The following CD46 variants were observed in gnomAD, a reference collection of about 807,000 sequenced individuals.
The protein encoded by CD46 is CD46 molecule, also known as membrane cofactor protein.
A neutral mutation model predicts 53.3 loss-of-function variants in CD46; 30 were observed. The observed-to-expected ratio is 0.56, with a 90% CI of 0.42 to 0.76. The LOEUF is 0.76. CD46 is among the 30% of genes least tolerant of loss of function. The pLI, the probability that CD46 is intolerant of heterozygous loss-of-function variation, is 0.00. For missense variants in CD46, 409 were observed against 463.0 expected, an observed-to-expected ratio of 0.88 and a Z score of 1.07; for synonymous variants, 142 against 152.0, an observed-to-expected ratio of 0.93 and a Z score of 0.48.
intron 11 of CD46, among the ~76,000 whole-genome samples, chr1:207,787,334 G>A (rs998838504): frequency 1.3e-5 from 2 of 152,040 alleles, no homozygotes; most frequent in Non-Finnish European, 2.9e-5. Flanking sequence ...GGCCTCCCAA[G>A]GTGCTAGGAT....
chr1:207,768,614 C>T (rs1657116847), intron 7 of CD46: 1 of 152,158 alleles, frequency 6.6e-6, no homozygotes, highest in South Asian at 2.1e-4. Flanking sequence ...TCCTTATTTA[C>T]TGAAATAAAA....
intron 3 of CD46, among the ~76,000 whole-genome samples, chr1:207,758,514 C>T (rs1250252722): frequency 6.6e-6 from 1 of 151,966 alleles, no homozygotes; most frequent in Non-Finnish European, 1.5e-5. Context: ...GAACTCATTC[C>T]CTGAAGAATT....
At chr1:207,777,365 T>C (rs1364774234) in intron 8 of CD46, among the ~76,000 whole-genome samples, 2 of 152,122 alleles carry the variant, frequency 1.3e-5, no homozygotes, top group Non-Finnish European at 2.9e-5. Context: ...GATTTGGGGG[T>C]ACAGGTGAAG....
At chr1:207,761,858 ATTT>A (rs60550654) in intron 5 of CD46, among the ~76,000 whole-genome samples, 35 of 151,136 alleles carry the variant, frequency 2.3e-4, no homozygotes, top group Non-Finnish European at 4.7e-4. Context: ...GATAAAAAAA[ATTT>A]TTTTTTTAAA....
chr1:207,788,800 T>G (rs147106188), intron 11 of CD46, among the ~76,000 whole-genome samples: 1 of 152,340 alleles, frequency 6.6e-6, no homozygotes, highest in Non-Finnish European at 1.5e-5. Flanking sequence ...GCAGCCTTCA[T>G]CTCAAAATAC....
At chr1:207,792,665 T>C (rs1659910604) in intron 12 of CD46, among the ~76,000 whole-genome samples, 1 of 152,194 alleles carries the variant, frequency 6.6e-6, no homozygotes, top group African/African-American at 2.4e-5. Context: ...TAGTAAATAA[T>C]GACTGGTCCG....
chr1:207,761,069 C>T (rs375785197), intron 4 of CD46, 180 bp from the exon 5 acceptor site: 7 of 593,032 alleles, frequency 1.2e-5, no homozygotes, highest in Middle Eastern at 4.4e-4. Context: ...TTAGTTACTA[C>T]ATTAATGGTT....
chr1:207,793,574 G>C lies in CD46; in HGVS notation c.*97G>C. On this transcript the variant is annotated 3_prime_UTR_variant, in exon 13 of 13. Coordinates refer to ENST00000367042, the MANE Select transcript of CD46 (RefSeq NM_172351.3). ...TTACCAGACTAAATCAACCACTCCA[G>C]CAGAGCAGAGAGGCTGAATAGATTC... is the stretch of plus-strand genomic sequence containing the variant. 6.2e-7 allele frequency: 1 copy of C among 1,613,898 alleles called. No homozygotes were observed. The highest frequency in any genetic ancestry group is 8.5e-7 in the Non-Finnish European group (1 of 1,179,802).
At position 207,752,416 on chromosome 1, in the gene CD46, C is replaced by T; in HGVS notation, c.97+107C>T. ...ACAGCAGGCCGTGCCTGTTTGGGGACAGGGTTCTCTGAGGGGTGCAGTGCT... is the reference window on the plus strand; with the variant it reads ...ACAGCAGGCCGTGCCTGTTTGGGGATAGGGTTCTCTGAGGGGTGCAGTGCT... On this transcript the variant is annotated intron_variant, in intron 1 of 12. Transcript: ENST00000367042. This position sits in a 1 kb window ranked among gnomAD's most constrained non-coding sequence, Gnocchi z 4.1. The T allele has an allele frequency of 1.8e-6, 2 of 1,081,776 alleles. No individual in the cohort carries two copies. The highest frequency in any genetic ancestry group is 1.4e-6 in the Non-Finnish European group (1 of 703,662). The allele number at this position is 1,081,776 out of a possible 1,614,324, so 67.0% of individuals were successfully genotyped here. A position where few individuals can be genotyped will look rare whatever the true frequency, so the allele number is the denominator to read the frequency against.
chr1:207,767,743 G>A (rs1657027412), intron 6 of CD46, 36 bp from the exon 7 acceptor site: 1 of 1,604,974 alleles, frequency 6.2e-7, no homozygotes, highest in Non-Finnish European at 8.5e-7. Flanking sequence ...ACTCCCAAGT[G>A]TTTGGTCCAA....
chr1:207,756,659 T>C (rs760903840), intron 1 of CD46, among the ~76,000 whole-genome samples: 1 of 152,228 alleles, frequency 6.6e-6, no homozygotes, highest in Non-Finnish European at 1.5e-5. Context: ...CAGAGTACTC[T>C]ATACTGTAGA....
intron 3 of CD46, among the ~76,000 whole-genome samples, chr1:207,759,389 G>T (rs1284206547): frequency 3.3e-5 from 5 of 152,234 alleles, no homozygotes; most frequent in Non-Finnish European, 5.9e-5. Context: ...CAGCAAAGAG[G>T]CTGGGTGGAA....
In CD46 at chr1:207,790,341, A is replaced by C. The variant is rs1322696110; in HGVS notation, c.*37A>C. On this transcript the variant is annotated 3_prime_UTR_variant, in exon 12 of 13. Coordinates refer to ENST00000367042, the MANE Select transcript of CD46 (RefSeq NM_172351.3). The stretch of plus-strand genomic sequence containing the variant: ...GAGAGAAAGGTTTGCTTTTATCATT[A>C]AAAGGTATCTGTTTTCTGTTGTTTA... 6.7e-7 allele frequency: 1 copy of C among 1,492,044 alleles called. No homozygotes were observed. Among genetic ancestry groups the C allele is most frequent in the African/African-American group, 1.4e-5 (1 of 72,800 alleles). 92.4% of individuals were successfully genotyped at this position (1,492,044 alleles called of 1,614,324 possible).
At chr1:207,761,143 C>G in intron 4 of CD46, 106 bp from the exon 5 acceptor site, 1 of 690,824 alleles carries the variant, frequency 1.4e-6, no homozygotes, top group Admixed American at 2.5e-5. Context: ...AATTCACAAA[C>G]AGCTTGTAGA....
intron 11 of CD46, among the ~76,000 whole-genome samples, chr1:207,789,469 A>C (rs1236184845): frequency 6.6e-6 from 1 of 152,192 alleles, no homozygotes; most frequent in African/African-American, 2.4e-5. Flanking sequence ...TTGAGCATTT[A>C]ACCCTTCAAA....
intron 5 of CD46, 132 bp downstream of exon 5, chr1:207,761,578 T>A: frequency 1.3e-6 from 1 of 750,512 alleles, no homozygotes; most frequent in Non-Finnish European, 2.3e-6. Flanking sequence ...TAATTTATTT[T>A]AATTCAGGTC....
rs183522197 is a variant in CD46 at position 207,785,005 on chromosome 1, C to T, written c.983-66C>T. ...AAACCATATCAAGTGTTTAGATGAT[C>T]TGATTGAAATAAATGCTATCTGGAG... On this transcript the variant is annotated intron_variant, in intron 9 of 12. Transcript: ENST00000367042. The T allele has an allele frequency of 1.6e-4, 218 of 1,326,290 alleles. 1 individual carries two copies. The highest frequency in any genetic ancestry group is 2.2e-4 in the Non-Finnish European group (200 of 922,166). The allele number at this position is 1,326,290 out of a possible 1,614,324, so 82.2% of individuals were successfully genotyped here. A position where few individuals can be genotyped will look rare whatever the true frequency, so the allele number is the denominator to read the frequency against.
At chr1:207,785,034 C>T in intron 9 of CD46, 37 bp from the exon 10 acceptor site, 6 of 1,569,486 alleles carry the variant, frequency 3.8e-6, no homozygotes, top group Non-Finnish European at 5.3e-6. Context: ...TCTGGAGATC[C>T]ATGTGTTCAA....
intron 11 of CD46, among the ~76,000 whole-genome samples, chr1:207,788,452 G>A (rs1345297942): frequency 6.6e-6 from 1 of 152,052 alleles, no homozygotes; most frequent in Non-Finnish European, 1.5e-5. Flanking sequence ...CCCGGAGGCG[G>A]AGCTTGCAGT....
Sources: gnomAD v4.1 joint callset for allele counts (sites outside exome capture counted in the v4.1 genomes callset) on GRCh38, gnomAD v4.1.1 for gene constraint, Gnocchi (gnomAD v3.1) non-coding constraint, MANE v1.5 for transcripts, NCBI Gene and HGNC (gene_info 2026-07-23, HGNC 2026-07-21) for gene names.